GORAB: variants seen among roughly 807,000 people sequenced by gnomAD.
The protein encoded by GORAB is golgin, RAB6 interacting.
A neutral mutation model predicts 29.9 loss-of-function variants in GORAB; 17 were observed. The observed-to-expected ratio is 0.57, with a 90% CI of 0.39 to 0.85. The LOEUF is 0.85. Ranked by LOEUF, GORAB falls within the 40% of genes least tolerant of loss-of-function variation. The probability of loss-of-function intolerance (pLI) is 0.00; values close to 1 mark genes in which losing one functional copy is unlikely to be tolerated. For missense variants in GORAB, 442 were observed against 437.8 expected, an observed-to-expected ratio of 1.01 and a Z score of -0.09; for synonymous variants, 183 against 157.2, an observed-to-expected ratio of 1.16 and a Z score of -1.23.
At position 170,544,836 on chromosome 1, in the gene GORAB, C is replaced by T; in HGVS notation, c.653C>T (p.Ser218Leu). The T allele has an allele frequency of 1.2e-6, 2 of 1,609,946 alleles. No homozygotes were observed. The highest frequency in any genetic ancestry group is 4.5e-5 in the East Asian group (2 of 44,742). The change falls in exon 4 of 5, where the codon TCA (serine) becomes TTA (leucine). Residue 218 changes from serine to leucine, a missense_variant. By Grantham distance (145) the Ser-to-Leu change is moderately radical. Coordinates refer to ENST00000367763, the MANE Select transcript of GORAB (RefSeq NM_152281.3). ...ATTGATCAGGCCAGCTTAGACTATTCATACGCTCGGTGAGTTGGGGAAATT... is the reference window on the plus strand; with the variant it reads ...ATTGATCAGGCCAGCTTAGACTATTTATACGCTCGGTGAGTTGGGGAAATT... ...NRIDQASLDY[S>L]YARKRFDRAE...
At position 170,532,319 on chromosome 1, in the gene GORAB, G is replaced by A. The variant is rs1235464119; in HGVS notation, c.61+35G>A. ...TGGGTTTACAGTGGTTTAATTCTTG[G>A]GTCTTAAGGGGAAGAGGCGGGGATG... On this transcript the variant is annotated intron_variant, in intron 1 of 4. Coordinates refer to ENST00000367763, the MANE Select transcript of GORAB (RefSeq NM_152281.3). 3 of 1,608,438 alleles carry A rather than the reference G, an allele frequency of 1.9e-6. No homozygotes were observed. The African/African-American group carries it at 4.0e-5, about 21-fold the overall frequency.
At chr1:170,547,406 G>GCTGCTGCTACTGCTGCTA (rs56089801) in intron 4 of GORAB, among the ~76,000 whole-genome samples, 2 of 149,596 alleles carry the variant, frequency 1.3e-5, no homozygotes, top group African/African-American at 4.9e-5. Context: ...TGCTGCTGCT[G>GCTGCTGCTACTGCTGCTA]CTGCTGCTAC....
intron 3 of GORAB, among the ~76,000 whole-genome samples, chr1:170,543,889 G>T (rs933819660): frequency 6.6e-6 from 1 of 152,162 alleles, no homozygotes; most frequent in African/African-American, 2.4e-5. Context: ...GTGAAGTTTT[G>T]TAGGCAGAAA....
chr1:170,549,830 T>C (rs2101832336), intron 4 of GORAB, among the ~76,000 whole-genome samples: 1 of 152,334 alleles, frequency 6.6e-6, no homozygotes, highest in African/African-American at 2.4e-5. Context: ...TTTTCAAGTA[T>C]AAATACCAGG....
At position 170,553,115 on chromosome 1, in the gene GORAB, T is replaced by C. The variant is rs886045556; in HGVS notation, c.*653T>C. On this transcript the variant is annotated 3_prime_UTR_variant, in exon 5 of 5. Coordinates refer to ENST00000367763, the MANE Select transcript of GORAB (RefSeq NM_152281.3). ...TATTTGAAACACACACACTTATATA[T>C]AAACACATGTAATTTTACTATTTTA... is the stretch of plus-strand genomic sequence containing the variant. 8 of 444,044 alleles carry C rather than the reference T, an allele frequency of 1.8e-5. No individual in the cohort carries two copies. Among genetic ancestry groups the C allele is most frequent in the African/African-American group, 1.0e-4 (5 of 49,414 alleles). The allele number at this position is 444,044 out of a possible 1,614,324, so 27.5% of individuals were successfully genotyped here. A position where few individuals can be genotyped will look rare whatever the true frequency, so the allele number is the denominator to read the frequency against.
intron 1 of GORAB, among the ~76,000 whole-genome samples, chr1:170,532,861 A>T (rs1342008446): frequency 6.6e-6 from 1 of 152,204 alleles, no homozygotes; most frequent in Non-Finnish European, 1.5e-5. Flanking sequence ...GAGAGGGTAG[A>T]TGTGAAGACT....
chr1:170,552,755 GT>G lies in GORAB; in HGVS notation c.*298del, dbSNP rs1650207869. On this transcript the variant is annotated 3_prime_UTR_variant, in exon 5 of 5. Coordinates refer to ENST00000367763, the MANE Select transcript of GORAB (RefSeq NM_152281.3). ...GGAAGAAAAACTACATGGTTGGAGT[GT>G]TTTTAGATCAGATAAATATAGAAAA... 1 of 487,382 alleles carries G rather than the reference GT, an allele frequency of 2.1e-6. No individual in the cohort carries two copies. Among genetic ancestry groups the G allele is most frequent in the South Asian group, 1.5e-5 (1 of 64,776 alleles). The allele number at this position is 487,382 out of a possible 1,614,324, so 30.2% of individuals were successfully genotyped here.
chr1:170,546,885 A>AT (rs1649796019), intron 4 of GORAB, among the ~76,000 whole-genome samples: 1 of 152,006 alleles, frequency 6.6e-6, no homozygotes, highest in Non-Finnish European at 1.5e-5. Context: ...GGGTTTCACC[A>AT]TGTTGGCCAG....
intron 1 of GORAB, among the ~76,000 whole-genome samples, chr1:170,535,394 A>C (rs1052046080): frequency 2.0e-5 from 3 of 152,216 alleles, no homozygotes; most frequent in African/African-American, 4.8e-5. Flanking sequence ...AAAAATTGGA[A>C]GAAAACAGTA....
chr1:170,545,223 C>G lies in GORAB; in HGVS notation c.662+378C>G, dbSNP rs1320111203. On this transcript the variant is annotated intron_variant, in intron 4 of 4. Coordinates refer to ENST00000367763, the MANE Select transcript of GORAB (RefSeq NM_152281.3). ...CTCTGACACCAAGTCTGTGTTCTTT[C>G]CATTAAAATTTTTGATATCTGATAT... 3 of 998,002 alleles carry G rather than the reference C, an allele frequency of 3.0e-6. No individual in the cohort carries two copies. The African/African-American group carries it at 5.2e-5, about 17-fold the overall frequency. The allele number at this position is 998,002 out of a possible 1,614,324, so 61.8% of individuals were successfully genotyped here. A position where few individuals can be genotyped will look rare whatever the true frequency, so the allele number is the denominator to read the frequency against.
chr1:170,539,179 A>G (rs1346208202), intron 1 of GORAB, 31 bp from the exon 2 acceptor site: 1 of 1,613,522 alleles, frequency 6.2e-7, no homozygotes, highest in Non-Finnish European at 8.5e-7. Flanking sequence ...TGCCCACACA[A>G]AGGAATTTTC....
At chr1:170,545,482 T>G in intron 4 of GORAB, 14 of 983,950 alleles carry the variant, frequency 1.4e-5, no homozygotes, top group Non-Finnish European at 1.6e-5. Context: ...ATGGAGTATT[T>G]TTAAAATGAA....
At chr1:170,539,593 A>C in intron 2 of GORAB, 26 bp downstream of exon 2, 1 of 1,607,736 alleles carries the variant, frequency 6.2e-7, no homozygotes, top group South Asian at 1.1e-5. Context: ...TGAAAAGTCC[A>C]TGAGACTTTT....
intron 2 of GORAB, among the ~76,000 whole-genome samples, chr1:170,540,751 A>G (rs1649365201): frequency 6.6e-6 from 1 of 152,208 alleles, no homozygotes; most frequent in Admixed American, 6.5e-5. Context: ...AATTTTCATA[A>G]AAGACCTGTA....
chr1:170,535,186 C>T (rs1254573153), intron 1 of GORAB, among the ~76,000 whole-genome samples: 2 of 152,142 alleles, frequency 1.3e-5, no homozygotes, highest in Non-Finnish European at 2.9e-5. Context: ...AAAAGCAAGT[C>T]ATATAACTTG....
chr1:170,546,927 C>T (rs947357591), intron 4 of GORAB, among the ~76,000 whole-genome samples: 33 of 152,040 alleles, frequency 2.2e-4, no homozygotes, highest in Admixed American at 2.0e-3. Flanking sequence ...TCAGGTGATC[C>T]GCCTGCCTCA....
At chr1:170,544,656 ATGG>A (rs762148026) in intron 3 of GORAB, 46 bp from the exon 4 acceptor site, 1 of 1,538,938 alleles carries the variant, frequency 6.5e-7, no homozygotes, top group Non-Finnish European at 9.0e-7. Flanking sequence ...ATATGGACAC[ATGG>A]TTTTAAAATG....
intron 3 of GORAB, among the ~76,000 whole-genome samples, chr1:170,544,276 TG>T (rs1649617234): frequency 6.6e-6 from 1 of 152,074 alleles, no homozygotes; most frequent in Non-Finnish European, 1.5e-5. Flanking sequence ...TAAAGAGGTG[TG>T]GTTTAGTATA....
At chr1:170,539,086 A>G (rs1003290175) in intron 1 of GORAB, 124 bp from the exon 2 acceptor site, 1 of 1,163,472 alleles carries the variant, frequency 8.6e-7, no homozygotes, top group Non-Finnish European at 1.2e-6. Context: ...CTTTCAAGAT[A>G]GAGAATGGGG....
Sources: allele counts gnomAD v4.1 joint callset (sites outside exome capture counted in the v4.1 genomes callset), GRCh38; gene constraint gnomAD v4.1.1; transcripts MANE v1.5; gene names NCBI Gene and HGNC (gene_info 2026-07-23, HGNC 2026-07-21).